The following RGS7BP variants were observed in gnomAD, a reference collection of about 807,000 sequenced individuals.
RGS7BP encodes regulator of G protein signaling 7-binding protein.
RGS7BP carries 9 observed loss-of-function variants against 31.3 expected under a neutral mutation model. That is an observed-to-expected ratio of 0.29 (90% CI 0.17 to 0.50). The LOEUF is 0.50. Among genes scored for constraint, RGS7BP ranks in the 20% least tolerant of loss-of-function variants. RGS7BP has a pLI of 0.98. For synonymous variants in RGS7BP, 115 were observed against 120.1 expected, an observed-to-expected ratio of 0.96 and a Z score of 0.28; for missense variants, 274 against 322.0, an observed-to-expected ratio of 0.85 and a Z score of 1.14.
chr5:64,520,364 G>A (rs566240052), intron 2 of RGS7BP, among the ~76,000 whole-genome samples: 3 of 152,200 alleles, frequency 2.0e-5, no homozygotes, highest in African/African-American at 4.8e-5. Context: ...GCACACAGCC[G>A]ATTTGAGGGT....
At chr5:64,602,003 G>A (rs562140302) in intron 5 of RGS7BP, among the ~76,000 whole-genome samples, 5 of 152,254 alleles carry the variant, frequency 3.3e-5, no homozygotes, top group East Asian at 3.9e-4. Context: ...AGAATCAGTC[G>A]AGAAGTAGGT....
chr5:64,541,022 G>A (rs1741515285), intron 2 of RGS7BP, among the ~76,000 whole-genome samples: 1 of 152,154 alleles, frequency 6.6e-6, no homozygotes, highest in Non-Finnish European at 1.5e-5. Flanking sequence ...TTCTTGCATT[G>A]CTATAAAGAA....
intron 2 of RGS7BP, among the ~76,000 whole-genome samples, chr5:64,524,820 A>G (rs1447423175): frequency 6.6e-6 from 1 of 152,044 alleles, no homozygotes; most frequent in Non-Finnish European, 1.5e-5. Context: ...CCCACTGCCC[A>G]CGAGGCCCCT....
intron 2 of RGS7BP, among the ~76,000 whole-genome samples, chr5:64,525,078 G>A (rs1482547465): frequency 6.6e-6 from 1 of 152,004 alleles, no homozygotes. Context: ...TAGGGTCCAG[G>A]TGGTAAACAT....
intron 2 of RGS7BP, among the ~76,000 whole-genome samples, chr5:64,556,417 C>CCCCACACA (rs1554055931): frequency 8.0e-6 from 1 of 125,398 alleles, no homozygotes; most frequent in African/African-American, 3.0e-5. Flanking sequence ...TCTTCCCCAG[C>CCCCACACA]CACACACACA....
At chr5:64,539,626 C>T (rs1318163494) in intron 2 of RGS7BP, 1 of 152,138 alleles carries the variant, frequency 6.6e-6, no homozygotes, top group Admixed American at 6.5e-5. Context: ...CTAAGTTTGG[C>T]ATCAATATGG....
At chr5:64,586,898 TGAAAG>T (rs142490175) in intron 3 of RGS7BP, among the ~76,000 whole-genome samples, 52,109 of 151,780 alleles carry the variant, frequency 0.34, 9,164 homozygotes, top group South Asian at 0.4. Flanking sequence ...AAACATGTAA[TGAAAG>T]GAATAAATCC....
Position 64,597,769 on chromosome 5 carries a change from T to C in RGS7BP, c.612-596T>C, listed in dbSNP as rs534262302. Among the ~76,000 whole-genome samples, 3 of 151,200 alleles carry C rather than the reference T, an allele frequency of 2.0e-5. 1 individual carries two copies. The South Asian group carries it at 6.3e-4, about 32-fold the overall frequency. On this transcript the variant is annotated intron_variant, in intron 4 of 5. Coordinates refer to ENST00000334025, the MANE Select transcript of RGS7BP (RefSeq NM_001029875.3). The stretch of plus-strand genomic sequence containing the variant: ...CAGAAGGGTGGGAAGGTGTGGGGGG[T>C]GAGAAAATACTCAGTGGGTAAAACG...
At chr5:64,569,201 T>A (rs1742244553) in intron 2 of RGS7BP, among the ~76,000 whole-genome samples, 1 of 152,124 alleles carries the variant, frequency 6.6e-6, no homozygotes, top group South Asian at 2.1e-4. Flanking sequence ...TATGTTCCCA[T>A]GAAACAACAT....
At chr5:64,538,658 G>A (rs13328169) in intron 2 of RGS7BP, among the ~76,000 whole-genome samples, 6 of 137,814 alleles carry the variant, frequency 4.4e-5, no homozygotes, top group African/African-American at 1.1e-4. Flanking sequence ...CTGGGTTCAA[G>A]AGATTCTCCT....
chr5:64,575,160 T>G lies in RGS7BP; in HGVS notation c.333-614T>G, dbSNP rs1742386558. Among the ~76,000 whole-genome samples, 7 of 152,280 alleles carry G rather than the reference T, an allele frequency of 4.6e-5. No homozygotes were observed. In the South Asian group the frequency reaches 1.4e-3, roughly 32 times the overall value. On this transcript the variant is annotated intron_variant, in intron 2 of 5. Transcript: ENST00000334025. ...TTTAGAGCATAAGTTCAGTGTTTAT[T>G]TAGCTTTAGATTGTTAAGTATAATT...
chr5:64,571,837 T>C (rs1251259272), intron 2 of RGS7BP, among the ~76,000 whole-genome samples: 1 of 152,164 alleles, frequency 6.6e-6, no homozygotes, highest in Non-Finnish European at 1.5e-5. Flanking sequence ...TTAAATGTTT[T>C]TGGATTCATC....
At chr5:64,562,787 C>A (rs542824658) in intron 2 of RGS7BP, among the ~76,000 whole-genome samples, 9 of 152,228 alleles carry the variant, frequency 5.9e-5, no homozygotes, top group African/African-American at 2.2e-4. Context: ...GGTGGGTGAG[C>A]AGGACTGGGC....
chr5:64,581,156 C>T (rs1201982349), intron 3 of RGS7BP, among the ~76,000 whole-genome samples: 1 of 151,992 alleles, frequency 6.6e-6, no homozygotes, highest in Non-Finnish European at 1.5e-5. Context: ...GAGACTGTAG[C>T]GAGCCAAGAT....
intron 2 of RGS7BP, among the ~76,000 whole-genome samples, chr5:64,516,634 T>A (rs1008729138): frequency 2.0e-5 from 3 of 152,190 alleles, no homozygotes; most frequent in Admixed American, 6.5e-5. Context: ...TGTATCAGAA[T>A]CATGTGGGTG....
At chr5:64,524,287 T>C (rs746343220) in intron 2 of RGS7BP, among the ~76,000 whole-genome samples, 12 of 152,226 alleles carry the variant, frequency 7.9e-5, no homozygotes, top group Non-Finnish European at 1.5e-4. Flanking sequence ...TTGTCCCTAT[T>C]CTAAGACTCA....
chr5:64,591,322 G>T (rs1458225683), intron 3 of RGS7BP, among the ~76,000 whole-genome samples: 5 of 151,682 alleles, frequency 3.3e-5, no homozygotes, highest in Non-Finnish European at 7.4e-5. Context: ...CTATACCCCT[G>T]AACTTAAAAG....
At chr5:64,586,449 C>T (rs1487614979) in intron 3 of RGS7BP, among the ~76,000 whole-genome samples, 1 of 152,230 alleles carries the variant, frequency 6.6e-6, no homozygotes, top group Non-Finnish European at 1.5e-5. Context: ...CTACCCCTGT[C>T]CCTTTCACTT....
chr5:64,553,671 T>C (rs964355944), intron 2 of RGS7BP, among the ~76,000 whole-genome samples: 5 of 152,056 alleles, frequency 3.3e-5, no homozygotes, highest in Non-Finnish European at 5.9e-5. Flanking sequence ...ATTAACCAAG[T>C]CTCAGTTTCC....
Sources: gnomAD v4.1 joint callset for allele counts (sites outside exome capture counted in the v4.1 genomes callset) on GRCh38, gnomAD v4.1.1 for gene constraint, MANE v1.5 for transcripts, NCBI Gene and HGNC (gene_info 2026-07-23, HGNC 2026-07-21) for gene names.